Variants in DZIP3 observed in about 807,000 individuals in gnomAD.
DZIP3 encodes the protein DAZ interacting zinc finger protein 3.
Under a neutral mutation model 162.0 loss-of-function variants are expected in DZIP3, and 118 were observed. The ratio of observed to expected loss-of-function variants is 0.73; its 90% CI spans 0.63 to 0.85. The LOEUF (loss-of-function observed/expected upper bound fraction) is 0.85. Ranked by LOEUF, DZIP3 falls within the 40% of genes least tolerant of loss-of-function variation. The pLI is 0.00. For missense variants in DZIP3, 1,331 were observed against 1,407.0 expected (o/e 0.95, Z 0.86); for synonymous variants, 438 against 458.6 (o/e 0.96, Z 0.57).
rs1942746416 is a variant in DZIP3 at position 108,648,899 on chromosome 3, A to G, written c.1963-19A>G. The G allele has an allele frequency of 8.8e-7, 1 of 1,137,276 alleles. No homozygotes were observed. The highest frequency in any genetic ancestry group is 1.2e-6 in the Non-Finnish European group (1 of 859,926). The allele number at this position is 1,137,276 out of a possible 1,614,324, so 70.4% of individuals were successfully genotyped here. ...GCAATTTGAATTACATATTTAATAA[A>G]TAATTTTTTACCTACTAGGTTAAGA... On this transcript the variant is annotated intron_variant, in intron 16 of 32. Coordinates refer to ENST00000361582, the MANE Select transcript of DZIP3 (RefSeq NM_014648.4).
intron 23 of DZIP3, among the ~76,000 whole-genome samples, chr3:108,673,705 TG>T (rs1944004241): frequency 6.6e-6 from 1 of 152,002 alleles, no homozygotes; most frequent in African/African-American, 2.4e-5. Context: ...CAAACTTTAC[TG>T]CATGTTAGAA....
chr3:108,598,287 G>C (rs1022627916), intron 1 of DZIP3, among the ~76,000 whole-genome samples: 1 of 152,100 alleles, frequency 6.6e-6, no homozygotes, highest in Non-Finnish European at 1.5e-5. Flanking sequence ...GGATTTATTA[G>C]CTATGAGACT....
chr3:108,674,308 T>A lies in DZIP3; in HGVS notation c.2693+127T>A, dbSNP rs766145647. On this transcript the variant is annotated intron_variant, in intron 24 of 32. Coordinates refer to ENST00000361582, the MANE Select transcript of DZIP3 (RefSeq NM_014648.4). ...AGAGTTCTTAAAGAAGCTCTTGTGG[T>A]TTTTTTGGGTTTTTTTTCATTTTTT... The A allele has an allele frequency of 3.6e-4, 244 of 673,224 alleles. 1 individual carries two copies. The highest frequency in any genetic ancestry group is 5.1e-4 in the Non-Finnish European group (221 of 436,838). The allele number at this position is 673,224 out of a possible 1,614,324, so 41.7% of individuals were successfully genotyped here. A position where few individuals can be genotyped will look rare whatever the true frequency, so the allele number is the denominator to read the frequency against.
At chr3:108,687,912 G>A in intron 28 of DZIP3, 64 bp from the exon 29 acceptor site, 1 of 1,593,348 alleles carries the variant, frequency 6.3e-7, no homozygotes, top group East Asian at 2.2e-5. Context: ...TCCTTTGGTG[G>A]GTACATCCTC....
rs761048663 is a variant in DZIP3 at position 108,677,578 on chromosome 3, C to T, written c.2863C>T (p.Pro955Ser). Residue 955 changes from proline (P) to serine (S), a missense_variant, in exon 26 of 33, where the codon CCA becomes TCA. Coordinates refer to ENST00000361582, the MANE Select transcript of DZIP3 (RefSeq NM_014648.4). ...TLPPVQLPPP[P>S]PSPEILMQQF... is the part of the protein sequence containing the mutation. ...GCCTCCAGTCCAGCTTCCTCCTCCA[C>T]CACCCAGTCCTGAGATACTGGTAAG... 4 of 1,612,300 alleles carry T rather than the reference C, an allele frequency of 2.5e-6. No homozygotes were observed. The highest frequency in any genetic ancestry group is 2.7e-5 in the African/African-American group (2 of 74,816).
chr3:108,594,609 G>A (rs1181843416), intron 1 of DZIP3, among the ~76,000 whole-genome samples: 2 of 151,678 alleles, frequency 1.3e-5, no homozygotes, highest in African/African-American at 2.4e-5. Context: ...TCTGCCCTCC[G>A]ATAGTGCCCA....
intron 21 of DZIP3, among the ~76,000 whole-genome samples, chr3:108,665,534 G>C (rs1242547952): frequency 6.8e-6 from 1 of 146,432 alleles, no homozygotes; most frequent in East Asian, 1.9e-4. Context: ...AGAGCAGAAT[G>C]AGAGAGAGAC....
chr3:108,616,725 CA>C (rs1388342419), intron 5 of DZIP3, 68 bp downstream of exon 5: 2 of 1,087,128 alleles, frequency 1.8e-6, no homozygotes, highest in African/African-American at 3.2e-5. Flanking sequence ...AGAAAACAGC[CA>C]ATGCATGCTT....
chr3:108,629,170 T>G lies in DZIP3; in HGVS notation c.690T>G (p.Thr230=). Residue 230 remains threonine (T), a synonymous_variant, in exon 8 of 33, where the codon ACT becomes ACG. Coordinates refer to ENST00000361582, the MANE Select transcript of DZIP3 (RefSeq NM_014648.4). ...DPTEDEDLPT[T]FKDLLNNFIK... ...CAGAAGATGAAGATTTACCTACAACTTTTAAAGTAAGAAATTATTTAAGAG... is the reference window on the plus strand; with the variant it reads ...CAGAAGATGAAGATTTACCTACAACGTTTAAAGTAAGAAATTATTTAAGAG... The G allele has an allele frequency of 1.3e-6, 2 of 1,558,086 alleles. No homozygotes were observed. The highest frequency in any genetic ancestry group is 8.7e-7 in the Non-Finnish European group (1 of 1,152,430).
chr3:108,686,386 T>C, intron 27 of DZIP3, 59 bp from the exon 28 acceptor site: 13 of 1,441,158 alleles, frequency 9.0e-6, no homozygotes, highest in Non-Finnish European at 1.2e-5. Context: ...TTCTGAGGTA[T>C]AGGAATGTCA....
rs1272736591 is a variant in DZIP3, at chr3:108,654,317, A to G, written c.2199+7A>G. 2 of 1,613,404 alleles carry G rather than the reference A, an allele frequency of 1.2e-6. No homozygotes were observed. Among genetic ancestry groups the G allele is most frequent in the African/African-American group, 2.7e-5 (2 of 75,012 alleles). On this transcript the variant is annotated splice_region_variant and intron_variant, in intron 19 of 32. Coordinates refer to ENST00000361582, the MANE Select transcript of DZIP3 (RefSeq NM_014648.4). ...TCTGGACATGATAGAGCAGGTAAGC[A>G]TGATTAGAGAGGGTGCCTGCCTTCT...
intron 4 of DZIP3, 34 bp downstream of exon 4, chr3:108,611,363 G>A: frequency 6.2e-7 from 1 of 1,607,144 alleles, no homozygotes; most frequent in Non-Finnish European, 8.5e-7. Flanking sequence ...GGGCAGAAGT[G>A]CAGCTGTCTG....
At chr3:108,681,122 G>T (rs1401689049) in intron 26 of DZIP3, among the ~76,000 whole-genome samples, 1 of 151,606 alleles carries the variant, frequency 6.6e-6, no homozygotes, top group Non-Finnish European at 1.5e-5. Flanking sequence ...AAGAGCTTCT[G>T]CACAGCATCA....
chr3:108,602,405 A>T (rs542501934), intron 1 of DZIP3, among the ~76,000 whole-genome samples: 2 of 152,304 alleles, frequency 1.3e-5, no homozygotes, highest in South Asian at 4.1e-4. Context: ...TTTTTCAACC[A>T]GTAAAACACA....
chr3:108,691,190 T>C lies in DZIP3; in HGVS notation c.*6+287T>C, dbSNP rs114942737. 1,364 of 220,002 alleles carry C rather than the reference T, an allele frequency of 6.2e-3. 13 individuals carry two copies. The highest frequency in any genetic ancestry group is 0.029 in the African/African-American group (1,264 of 43,714). 13.6% of individuals were successfully genotyped at this position (220,002 alleles called of 1,614,324 possible). On this transcript the variant is annotated intron_variant, in intron 32 of 32. Coordinates refer to ENST00000361582, the MANE Select transcript of DZIP3 (RefSeq NM_014648.4). ...TTTCTTAGGATGTTTTTTCTTGTCT[T>C]TTTAAATTCTTATTTCACTCATCCT... is the stretch of plus-strand genomic sequence containing the variant.
chr3:108,684,126 T>C (rs2107413045), intron 26 of DZIP3, 90 bp from the exon 27 acceptor site: 1 of 1,427,188 alleles, frequency 7.0e-7, no homozygotes, highest in South Asian at 1.5e-5. Context: ...CCCCGCCATA[T>C]TGCTGTATGA....
intron 1 of DZIP3, among the ~76,000 whole-genome samples, chr3:108,593,039 C>T (rs754593687): frequency 6.6e-6 from 1 of 151,562 alleles, no homozygotes; most frequent in African/African-American, 2.4e-5. Context: ...TGATATTCAT[C>T]ATGTTTAAGA....
chr3:108,630,046 A>T (rs114020077), intron 8 of DZIP3, among the ~76,000 whole-genome samples: 2,936 of 152,164 alleles, frequency 0.019, 87 homozygotes, highest in African/African-American at 0.063. Flanking sequence ...AAGTGTTCAC[A>T]CAATTATAAA....
intron 25 of DZIP3, among the ~76,000 whole-genome samples, chr3:108,677,030 A>C (rs1944134688): frequency 6.6e-6 from 1 of 152,150 alleles, no homozygotes; most frequent in Non-Finnish European, 1.5e-5. Context: ...GATAAACACA[A>C]TGTAGAATTT....
Sources: gnomAD v4.1 joint callset for allele counts (sites outside exome capture counted in the v4.1 genomes callset) on GRCh38, gnomAD v4.1.1 for gene constraint, MANE v1.5 for transcripts, NCBI Gene and HGNC (gene_info 2026-07-23, HGNC 2026-07-21) for gene names.